FBXO32: variants seen among roughly 807,000 people sequenced by gnomAD.
FBXO32 encodes F-box protein 32, also known as F-box only protein 32.
Under a neutral mutation model 48.3 loss-of-function variants are expected in FBXO32, and 15 were observed. That is an observed-to-expected ratio of 0.31 (90% CI 0.21 to 0.48). FBXO32 has a LOEUF of 0.48. Ranked by LOEUF, FBXO32 falls within the 20% of genes least tolerant of loss-of-function variation. The probability of loss-of-function intolerance (pLI) is 0.99; values close to 1 mark genes in which losing one functional copy is unlikely to be tolerated. For missense variants in FBXO32, 309 were observed against 432.7 expected (o/e 0.71, Z 2.54); for synonymous variants, 154 against 165.9 (o/e 0.93, Z 0.55).
chr8:123,535,288 T>C (rs1012179711), intron 1 of FBXO32, among the ~76,000 whole-genome samples: 3 of 152,150 alleles, frequency 2.0e-5, no homozygotes, highest in Admixed American at 2.0e-4. Context: ...TCACATACCA[T>C]ACAATTCATC....
rs535508841 is a variant in FBXO32 at position 123,523,418 on chromosome 8, T to C, written c.372+8480A>G. On this transcript the variant is annotated intron_variant, in intron 4 of 8. Transcript: ENST00000517956. The stretch of plus-strand genomic sequence containing the variant: ...CATCCTGGCCAATATGGTGAAACCC[T>C]GTCTCTACTAAAAATACATAAATTA... Among the ~76,000 whole-genome samples, 20 of 152,226 alleles carry C rather than the reference T, an allele frequency of 1.3e-4. No homozygotes were observed. The East Asian group carries it at 3.7e-3, about 28-fold the overall frequency.
chr8:123,501,137 G>A lies in FBXO32; in HGVS notation c.*2236C>T, dbSNP rs1816474684. 1 of 152,216 alleles carries A rather than the reference G, an allele frequency of 6.6e-6. No individual in the cohort carries two copies. The highest frequency in any genetic ancestry group is 1.5e-5 in the Non-Finnish European group (1 of 68,050). The allele number at this position is 152,216 out of a possible 1,614,324, so 9.4% of individuals were successfully genotyped here. A position where few individuals can be genotyped will look rare whatever the true frequency, so the allele number is the denominator to read the frequency against. ...CAGCATGAAGGGGCAGAGATCACCA[G>A]TTGGTGGCAACATGTGGAAGGCCAT... On this transcript the variant is annotated 3_prime_UTR_variant, in exon 9 of 9. Coordinates refer to ENST00000517956, the MANE Select transcript of FBXO32 (RefSeq NM_058229.4).
At position 123,503,476 on chromosome 8, in the gene FBXO32, C is replaced by T. The variant is rs777807730; in HGVS notation, c.979-14G>A. On this transcript the variant is annotated splice_polypyrimidine_tract_variant and intron_variant, in intron 8 of 8. Transcript: ENST00000517956. The stretch of plus-strand genomic sequence containing the variant: ...ATGGTCAGTGCCCTGGAAAGGAACA[C>T]ATGGTTAGCTTCAAGTTCTCAGAGG... 6.2e-7 allele frequency: 1 copy of T among 1,611,338 alleles called. No individual in the cohort carries two copies. The highest frequency in any genetic ancestry group is 8.5e-7 in the Non-Finnish European group (1 of 1,177,880).
intron 1 of FBXO32, among the ~76,000 whole-genome samples, chr8:123,538,139 A>G (rs1000349680): frequency 2.0e-5 from 3 of 152,020 alleles, no homozygotes; most frequent in African/African-American, 7.2e-5. Flanking sequence ...AAATCCTCCC[A>G]TGATCTCACT....
intron 4 of FBXO32, among the ~76,000 whole-genome samples, chr8:123,515,146 TAATACA>T (rs1816813966): frequency 6.6e-6 from 1 of 152,232 alleles, no homozygotes; most frequent in Non-Finnish European, 1.5e-5. Context: ...GTAGAGTCAA[TAATACA>T]AGGTTGTTGT....
intron 4 of FBXO32, among the ~76,000 whole-genome samples, chr8:123,531,336 T>C (rs953491228): frequency 1.3e-5 from 2 of 152,142 alleles, no homozygotes; most frequent in African/African-American, 4.8e-5. Context: ...TGTTATCACA[T>C]GGGGGTGGAA....
chr8:123,511,711 A>G (rs574705948), intron 6 of FBXO32, among the ~76,000 whole-genome samples: 3 of 152,172 alleles, frequency 2.0e-5, no homozygotes, highest in African/African-American at 7.2e-5. Flanking sequence ...CCTGACCTCA[A>G]GTGATCTGCC....
chr8:123,500,695 A>C lies in FBXO32; in HGVS notation c.*2678T>G, dbSNP rs911184563. On this transcript the variant is annotated 3_prime_UTR_variant, in exon 9 of 9. Coordinates refer to ENST00000517956, the MANE Select transcript of FBXO32 (RefSeq NM_058229.4). ...TGTGCTCTTCCCATTGTCCCCACAC[A>C]AGCCACAGCATCAAAGACATGCCAT... 2.6e-5 allele frequency: 4 copies of C among 152,174 alleles called. No homozygotes were observed. The highest frequency in any genetic ancestry group is 9.7e-5 in the African/African-American group (4 of 41,424). 9.4% of individuals were successfully genotyped at this position (152,174 alleles called of 1,614,324 possible).
chr8:123,532,397 A>C (rs971525989), intron 3 of FBXO32, among the ~76,000 whole-genome samples: 22 of 152,214 alleles, frequency 1.4e-4, no homozygotes, highest in African/African-American at 4.6e-4. Context: ...ACCTACCTGC[A>C]CCAACTGTGT....
intron 1 of FBXO32, 150 bp from the exon 2 acceptor site, chr8:123,534,964 AAG>A: frequency 1.8e-6 from 1 of 542,586 alleles, no homozygotes; most frequent in Non-Finnish European, 3.2e-6. Context: ...TCAAAGAAAA[AAG>A]AGTCTATACA....
chr8:123,529,620 T>C (rs145733851), intron 4 of FBXO32, among the ~76,000 whole-genome samples: 4 of 152,334 alleles, frequency 2.6e-5, no homozygotes, highest in African/African-American at 9.6e-5. Context: ...TAACTCATGG[T>C]AGCAGTTAAA....
intron 1 of FBXO32, among the ~76,000 whole-genome samples, chr8:123,535,383 T>C (rs1216107292): frequency 6.6e-6 from 1 of 152,214 alleles, no homozygotes; most frequent in East Asian, 1.9e-4. Flanking sequence ...AAATCTGACT[T>C]ATAAACTCCA....
intron 4 of FBXO32, among the ~76,000 whole-genome samples, chr8:123,522,894 C>T (rs1347417170): frequency 6.6e-6 from 1 of 152,198 alleles, no homozygotes; most frequent in Admixed American, 6.5e-5. Flanking sequence ...TACTTTGTCC[C>T]CCAGAGTAGC....
At chr8:123,508,300 T>G (rs1040100903) in intron 6 of FBXO32, among the ~76,000 whole-genome samples, 1 of 152,082 alleles carries the variant, frequency 6.6e-6, no homozygotes, top group Non-Finnish European at 1.5e-5. Flanking sequence ...GTCTGGGCAG[T>G]TCTCTCCTGT....
intron 1 of FBXO32, 88 bp from the exon 2 acceptor site, chr8:123,534,902 G>A: frequency 1.4e-6 from 1 of 740,700 alleles, no homozygotes; most frequent in East Asian, 2.6e-5. Context: ...TGAGTTATAA[G>A]ACAAACAAAC....
rs749841409 is a variant in FBXO32, at chr8:123,513,111, A to T, written c.651+87T>A. 7 of 1,380,338 alleles carry T rather than the reference A, an allele frequency of 5.1e-6. No individual in the cohort carries two copies. The highest frequency in any genetic ancestry group is 7.1e-6 in the Non-Finnish European group (7 of 985,786). The allele number at this position is 1,380,338 out of a possible 1,614,324, so 85.5% of individuals were successfully genotyped here. A position where few individuals can be genotyped will look rare whatever the true frequency, so the allele number is the denominator to read the frequency against. On this transcript the variant is annotated intron_variant, in intron 6 of 8. Coordinates refer to ENST00000517956, the MANE Select transcript of FBXO32 (RefSeq NM_058229.4). The surrounding 1 kb of genome is among the most constrained non-coding windows in gnomAD (Gnocchi z 4.3). ...AGAAAAGACCAGACTCTTCCGTCAC[A>T]GGAGTGAATTCAAAGTCTTGGCGAG... is the stretch of plus-strand genomic sequence containing the variant.
rs1816487721 is a variant in FBXO32 at position 123,501,526 on chromosome 8, A to C, written c.*1847T>G. 6.6e-6 allele frequency: 1 copy of C among 151,974 alleles called. No individual in the cohort carries two copies. Among genetic ancestry groups the C allele is most frequent in the African/African-American group, 2.4e-5 (1 of 41,376 alleles). 9.4% of individuals were successfully genotyped at this position (151,974 alleles called of 1,614,324 possible). On this transcript the variant is annotated 3_prime_UTR_variant, in exon 9 of 9. Coordinates refer to ENST00000517956, the MANE Select transcript of FBXO32 (RefSeq NM_058229.4). Reference sequence around the variant, plus strand: ...TCAATGTAATTTTTTTCTCAGGGGGATGATAATGAAAAAAACTGGAGAAAT... The same window carrying C: ...TCAATGTAATTTTTTTCTCAGGGGGCTGATAATGAAAAAAACTGGAGAAAT...
chr8:123,522,294 T>G (rs749892690), intron 4 of FBXO32, among the ~76,000 whole-genome samples: 64 of 149,962 alleles, frequency 4.3e-4, no homozygotes, highest in Non-Finnish European at 8.3e-4. Context: ...CTGCAACCTC[T>G]GCCTTTTGGG....
Position 123,516,229 on chromosome 8 carries a change from A to T in FBXO32, c.373-1896T>A, listed in dbSNP as rs1300229773. Among the ~76,000 whole-genome samples the T allele has an allele frequency of 3.9e-5, 6 of 152,338 alleles. No individual in the cohort carries two copies. The East Asian group carries it at 7.7e-4, about 20-fold the overall frequency. On this transcript the variant is annotated intron_variant, in intron 4 of 8. Transcript: ENST00000517956. ...TTAACAAACAAAAGAGGTTGATATA[A>T]AGTGAAAGTAATTAACTTCACGAGA...
Sources: gnomAD v4.1 joint callset for allele counts (sites outside exome capture counted in the v4.1 genomes callset) on GRCh38, gnomAD v4.1.1 for gene constraint, Gnocchi (gnomAD v3.1) non-coding constraint, MANE v1.5 for transcripts, NCBI Gene and HGNC (gene_info 2026-07-23, HGNC 2026-07-21) for gene names.